KALRN: variants seen among roughly 807,000 people sequenced by gnomAD.
The protein encoded by KALRN is kalirin RhoGEF kinase, also known as kalirin.
A neutral mutation model predicts 353.7 loss-of-function variants in KALRN; 70 were observed. That is an observed-to-expected ratio of 0.20 (90% CI 0.16 to 0.24). The LOEUF (loss-of-function observed/expected upper bound fraction) is 0.24, where lower values mean the gene tolerates loss of function less well. KALRN is among the 10% of genes least tolerant of loss of function. KALRN has a pLI of 1.00. For missense variants in KALRN, 2,791 were observed against 3,756.7 expected, an observed-to-expected ratio of 0.74 and a Z score of 6.72; for synonymous variants, 1,391 against 1,434.8, an observed-to-expected ratio of 0.97 and a Z score of 0.69.
chr3:124,607,376 T>C (rs2077459645), intron 34 of KALRN, among the ~76,000 whole-genome samples: 1 of 152,220 alleles, frequency 6.6e-6, no homozygotes, highest in Admixed American at 6.5e-5. Context: ...AGCCAAGATA[T>C]ATACTGAATC....
chr3:124,093,170 C>T (rs962876088), intron 1 of KALRN, among the ~76,000 whole-genome samples: 15 of 152,258 alleles, frequency 9.9e-5, no homozygotes, highest in African/African-American at 2.9e-4. Flanking sequence ...ACCCCCTGGA[C>T]GTGCCTCCTC....
intron 34 of KALRN, among the ~76,000 whole-genome samples, chr3:124,592,178 T>C (rs1386883107): frequency 6.6e-6 from 1 of 151,918 alleles, no homozygotes; most frequent in Non-Finnish European, 1.5e-5. Flanking sequence ...GGTGCACGTC[T>C]ATAACCCCAG....
At chr3:124,313,261 C>A (rs150503245) in intron 6 of KALRN, among the ~76,000 whole-genome samples, 2 of 152,266 alleles carry the variant, frequency 1.3e-5, no homozygotes, top group Non-Finnish European at 2.9e-5. Flanking sequence ...GAAGCAAAGC[C>A]ACTAAAAAGC....
intron 1 of KALRN, among the ~76,000 whole-genome samples, chr3:124,098,600 C>T (rs2061614939): frequency 6.6e-6 from 1 of 152,186 alleles, no homozygotes; most frequent in African/African-American, 2.4e-5. Flanking sequence ...TAACTAATTG[C>T]CCAGCTTCCA....
chr3:124,423,951 G>A (rs1047102274), intron 15 of KALRN, among the ~76,000 whole-genome samples: 3 of 152,218 alleles, frequency 2.0e-5, no homozygotes, highest in East Asian at 1.9e-4. Flanking sequence ...TTGTACAAAG[G>A]TGGGGGTGAA....
intron 1 of KALRN, among the ~76,000 whole-genome samples, chr3:124,215,859 A>T (rs1579498987): frequency 6.6e-6 from 1 of 152,062 alleles, no homozygotes; most frequent in African/African-American, 2.4e-5. Context: ...CACTCCAGAA[A>T]CCTTATCCTG....
At chr3:124,340,498 G>A (rs1396348014) in intron 9 of KALRN, among the ~76,000 whole-genome samples, 1 of 152,080 alleles carries the variant, frequency 6.6e-6, no homozygotes, top group African/African-American at 2.4e-5. Context: ...ACTCCAGCCT[G>A]GGTGACAGAG....
chr3:124,661,746 AG>A, intron 44 of KALRN, 104 bp from the exon 45 acceptor site: 1 of 861,678 alleles, frequency 1.2e-6, no homozygotes, highest in East Asian at 2.4e-5. Context: ...CCTAGAATAA[AG>A]GAGCCACCAG....
chr3:124,043,143 G>T (rs1356607427), intron 1 of KALRN, among the ~76,000 whole-genome samples: 1 of 152,154 alleles, frequency 6.6e-6, no homozygotes, highest in African/African-American at 2.4e-5. Context: ...GGAATCATTG[G>T]TAATCTTTGA....
chr3:124,553,028 T>C (rs568871640), intron 33 of KALRN, among the ~76,000 whole-genome samples: 10 of 152,258 alleles, frequency 6.6e-5, no homozygotes, highest in African/African-American at 2.4e-4. Flanking sequence ...GGCCTCCTGA[T>C]GTGCTAGGAT....
intron 1 of KALRN, among the ~76,000 whole-genome samples, chr3:124,103,023 G>C (rs969111857): frequency 2.6e-5 from 4 of 152,182 alleles, no homozygotes; most frequent in Admixed American, 6.5e-5. Flanking sequence ...GAAAAGTCAA[G>C]ATCCAGGACC....
intron 1 of KALRN, among the ~76,000 whole-genome samples, chr3:124,087,084 A>G (rs2060866164): frequency 6.6e-6 from 1 of 152,234 alleles, no homozygotes. Flanking sequence ...CTCTAAAAGA[A>G]TATTGAAACC....
chr3:124,405,638 G>GTTTTT (rs71145451), intron 13 of KALRN, among the ~76,000 whole-genome samples: 2 of 83,868 alleles, frequency 2.4e-5, no homozygotes, highest in Non-Finnish European at 2.2e-5. Flanking sequence ...GGACCTCAGG[G>GTTTTT]TTTTTTTTTT....
At chr3:124,053,317 A>C (rs547883054) in intron 1 of KALRN, among the ~76,000 whole-genome samples, 1 of 152,336 alleles carries the variant, frequency 6.6e-6, no homozygotes, top group South Asian at 2.1e-4. Context: ...AAAATTGGAG[A>C]TAGGAATTCT....
chr3:124,287,012 T>C (rs887227682), intron 5 of KALRN, among the ~76,000 whole-genome samples: 1 of 152,232 alleles, frequency 6.6e-6, no homozygotes, highest in Non-Finnish European at 1.5e-5. Flanking sequence ...ATTGATCTAA[T>C]TGAGCCTTGG....
intron 1 of KALRN, among the ~76,000 whole-genome samples, chr3:124,098,425 C>T (rs1016140048): frequency 6.6e-6 from 1 of 152,328 alleles, no homozygotes. Flanking sequence ...TCTGGCATCC[C>T]TGCCTGGGCC....
chr3:124,585,022 G>T, intron 34 of KALRN: 4 of 1,279,494 alleles, frequency 3.1e-6, no homozygotes, highest in Non-Finnish European at 4.2e-6. Context: ...GGCGGATGGG[G>T]CTGGGGATCA....
chr3:124,607,475 C>T (rs2077468288), intron 34 of KALRN, among the ~76,000 whole-genome samples: 1 of 152,006 alleles, frequency 6.6e-6, no homozygotes, highest in African/African-American at 2.4e-5. Context: ...AACTTTTTAC[C>T]CTATAATCTT....
At chr3:124,492,905 G>A (rs756949003) in intron 32 of KALRN, 23 bp downstream of exon 32, 2 of 1,609,566 alleles carry the variant, frequency 1.2e-6, no homozygotes, top group South Asian at 1.1e-5. Context: ...TCTCCCTCCA[G>A]CACTGCCTGC....
Sources: gnomAD v4.1 joint callset for allele counts (sites outside exome capture counted in the v4.1 genomes callset) on GRCh38, gnomAD v4.1.1 for gene constraint, MANE v1.5 for transcripts, NCBI Gene and HGNC (gene_info 2026-07-23, HGNC 2026-07-21) for gene names.